TCF7L2: variants seen among roughly 807,000 people sequenced by gnomAD.
TCF7L2 encodes the protein transcription factor 7-like 2.
A neutral mutation model predicts 77.9 loss-of-function variants in TCF7L2; 23 were observed. That is an observed-to-expected ratio of 0.30 (90% confidence interval 0.21 to 0.42). TCF7L2 has a LOEUF of 0.42. TCF7L2 is among the 10% of genes least tolerant of loss of function. The pLI is 1.00. For synonymous variants in TCF7L2, 413 were observed against 340.2 expected (o/e 1.21, Z -2.36); for missense variants, 654 against 793.1 (o/e 0.82, Z 2.11).
At chr10:113,141,353 G>T (rs752286858) in intron 6 of TCF7L2, 37 bp downstream of exon 6, 1 of 1,613,590 alleles carries the variant, frequency 6.2e-7, no homozygotes, top group Admixed American at 1.7e-5. Flanking sequence ...TAGAGTGCTG[G>T]TCCTGGGGTT....
intron 5 of TCF7L2, among the ~76,000 whole-genome samples, chr10:113,083,147 GAGCAGAGT>G (rs2059475685): frequency 6.6e-6 from 1 of 151,934 alleles, no homozygotes; most frequent in Non-Finnish European, 1.5e-5. Context: ...TGCCAACTTT[GAGCAGAGT>G]GGCTGTGTGC....
At chr10:113,016,515 A>C (rs552091930) in intron 4 of TCF7L2, among the ~76,000 whole-genome samples, 32 of 152,202 alleles carry the variant, frequency 2.1e-4, no homozygotes, top group Admixed American at 2.0e-4. Flanking sequence ...TGTAGGTCTC[A>C]AGTGTGTGTA....
intron 5 of TCF7L2, among the ~76,000 whole-genome samples, chr10:113,117,365 TTCTC>T (rs1247649039): frequency 8.2e-6 from 1 of 122,096 alleles, no homozygotes; most frequent in Non-Finnish European, 1.7e-5. Context: ...TGAAGGGATT[TTCTC>T]TCTCTCTCTC....
intron 13 of TCF7L2, among the ~76,000 whole-genome samples, chr10:113,164,801 T>C (rs2073825353): frequency 6.6e-6 from 1 of 152,104 alleles, no homozygotes; most frequent in Non-Finnish European, 1.5e-5. Flanking sequence ...TTAAGTTTAT[T>C]TTGTTTTATT....
intron 5 of TCF7L2, among the ~76,000 whole-genome samples, chr10:113,123,628 T>C (rs891248069): frequency 2.6e-5 from 4 of 152,200 alleles, no homozygotes; most frequent in Non-Finnish European, 4.4e-5. Flanking sequence ...GCTTTCATCA[T>C]AGGGATTACG....
chr10:113,094,086 C>T (rs138820883), intron 5 of TCF7L2, among the ~76,000 whole-genome samples: 9 of 152,086 alleles, frequency 5.9e-5, no homozygotes, highest in African/African-American at 1.9e-4. Flanking sequence ...GGTGTGTGTG[C>T]GCGTGCACGC....
At chr10:112,952,131 A>G (rs1589583796) in intron 3 of TCF7L2, among the ~76,000 whole-genome samples, 1 of 152,200 alleles carries the variant, frequency 6.6e-6, no homozygotes, top group East Asian at 2.0e-4. Context: ...CGCGGGGTAG[A>G]GAGTGGGTTT....
At position 113,044,593 on chromosome 10, in the gene TCF7L2, A is replaced by G. The variant is rs539651818; in HGVS notation, c.552+4467A>G. Among the ~76,000 whole-genome samples the G allele has an allele frequency of 2.0e-5, 3 of 152,318 alleles. No homozygotes were observed. In the South Asian group the frequency reaches 6.2e-4, roughly 32 times the overall value. On this transcript the variant is annotated intron_variant, in intron 5 of 13. Transcript: ENST00000627217. ...GGTGCCCTCAAAGAGTAGGGGGCCC[A>G]TGAGGGTATGACCAGGGGGACCTGA...
chr10:113,048,549 C>T (rs892339121), intron 5 of TCF7L2, among the ~76,000 whole-genome samples: 2 of 152,138 alleles, frequency 1.3e-5, no homozygotes, highest in African/African-American at 2.4e-5. Flanking sequence ...AGCACAAGGG[C>T]GTGGACGTGT....
At chr10:113,107,484 C>A (rs1049121897) in intron 5 of TCF7L2, among the ~76,000 whole-genome samples, 1 of 151,494 alleles carries the variant, frequency 6.6e-6, no homozygotes, top group Non-Finnish European at 1.5e-5. Flanking sequence ...TGGCTCATGC[C>A]TATAATCTCA....
At chr10:113,147,508 G>A (rs557518569) in intron 8 of TCF7L2, among the ~76,000 whole-genome samples, 4 of 152,320 alleles carry the variant, frequency 2.6e-5, no homozygotes, top group Admixed American at 2.0e-4. Flanking sequence ...TATTAGTTAG[G>A]TAGGAAAACG....
chr10:113,137,550 T>G (rs975458330), intron 5 of TCF7L2, among the ~76,000 whole-genome samples: 1 of 152,220 alleles, frequency 6.6e-6, no homozygotes, highest in African/African-American at 2.4e-5. Context: ...CTTGAATCAC[T>G]GTGTGCAATG....
chr10:113,107,708 C>T (rs2062536902), intron 5 of TCF7L2, among the ~76,000 whole-genome samples: 1 of 134,810 alleles, frequency 7.4e-6, no homozygotes. Context: ...GAGCCGAGAT[C>T]GCACCAGTGC....
intron 5 of TCF7L2, chr10:113,129,193 A>G (rs1592091800): frequency 2.1e-6 from 1 of 475,780 alleles, no homozygotes; most frequent in East Asian, 1.5e-4. Context: ...ACAAGAAAAT[A>G]TCCTTTCCTC....
At chr10:113,098,139 C>T (rs2061260218) in intron 5 of TCF7L2, among the ~76,000 whole-genome samples, 1 of 151,912 alleles carries the variant, frequency 6.6e-6, no homozygotes. Context: ...CCCTTCTTCC[C>T]CATTTCCTTG....
At chr10:113,107,675 G>A (rs1352623557) in intron 5 of TCF7L2, among the ~76,000 whole-genome samples, 1 of 144,222 alleles carries the variant, frequency 6.9e-6, no homozygotes, top group Admixed American at 7.2e-5. Flanking sequence ...CCCGGGAGGC[G>A]GAGCTTACAG....
intron 5 of TCF7L2, among the ~76,000 whole-genome samples, chr10:113,079,832 A>G (rs565466431): frequency 2.0e-5 from 3 of 151,968 alleles, no homozygotes; most frequent in Non-Finnish European, 2.9e-5. Context: ...TAATTTTTGT[A>G]TTTTTAGTAG....
At chr10:113,049,851 G>A (rs529749212) in intron 5 of TCF7L2, among the ~76,000 whole-genome samples, 44 of 152,292 alleles carry the variant, frequency 2.9e-4, no homozygotes, top group Non-Finnish European at 6.2e-4. Context: ...GCCATGCTTC[G>A]AGTGGAGCTT....
chr10:113,126,998 C>T, intron 5 of TCF7L2: 1 of 905,486 alleles, frequency 1.1e-6, no homozygotes, highest in Non-Finnish European at 1.3e-6. Context: ...TGCTCTCAGC[C>T]TTTGCCATGT....
Sources: gnomAD v4.1 joint callset for allele counts (sites outside exome capture counted in the v4.1 genomes callset) on GRCh38, gnomAD v4.1.1 for gene constraint, MANE v1.5 for transcripts, NCBI Gene and HGNC (gene_info 2026-07-23, HGNC 2026-07-21) for gene names.